The following TTN variants were observed in gnomAD, a reference collection of about 807,000 sequenced individuals.
TTN encodes connectin.
TTN carries 1,525 observed loss-of-function variants against 3,223.0 expected under a neutral mutation model. The ratio of observed to expected loss-of-function variants is 0.47; its 90% CI spans 0.45 to 0.49. TTN has a LOEUF of 0.49. Ranked by LOEUF, TTN falls within the 20% of genes least tolerant of loss-of-function variation. The probability of loss-of-function intolerance (pLI) is 0.00; values close to 1 mark genes in which losing one functional copy is unlikely to be tolerated. For missense variants in TTN, 40,786 were observed against 43,424.0 expected (o/e 0.94, Z 5.40); for synonymous variants, 14,094 against 15,161.0 (o/e 0.93, Z 5.17).
Position 178,551,039 on chromosome 2 carries a change from C to G in TTN, c.91492G>C (p.Ala30498Pro), listed in dbSNP as rs368724043. The part of the protein sequence containing the change: ...PGDRYEFRII[A>P]RNAVGTISPP... ...CTTATAGTTCCAACAGCATTTCTTG[C>G]AATTATTCTGAACTCATAGCGATCC... Residue 30498 changes from alanine to proline, a missense_variant, in exon 336 of 363, where the codon GCA becomes CCA. Physicochemically the swap from Ala to Pro is conservative, Grantham distance 27. Coordinates refer to ENST00000589042, the MANE Select transcript of TTN (RefSeq NM_001267550.2). 6.2e-7 allele frequency: 1 copy of G among 1,613,416 alleles called. No homozygotes were observed. The highest frequency in any genetic ancestry group is 2.2e-5 in the East Asian group (1 of 44,772).
chr2:178,640,090 T>C lies in TTN; in HGVS notation c.40744A>G (p.Ile13582Val), dbSNP rs747062145. ...TTCGGTTCAGGTGCAGGGAGAGGTA[T>C]TGCTGGCTTGATTTCAGGCACTGAA... ...PTKVPEIKPA[I>V]PLPAPEPKPK... is the part of the protein sequence containing the mutation. Residue 13582 changes from isoleucine to valine, a missense_variant, in exon 222 of 363, where the codon ATA becomes GTA. Physicochemically the swap from Ile to Val is conservative, Grantham distance 29. Coordinates refer to ENST00000589042, the MANE Select transcript of TTN (RefSeq NM_001267550.2). The C allele has an allele frequency of 1.2e-6, 2 of 1,612,102 alleles. No homozygotes were observed. The highest frequency in any genetic ancestry group is 3.3e-5 in the Admixed American group (2 of 59,870).
In TTN at chr2:178,718,968, G is replaced by A. The variant is rs750589456; in HGVS notation, c.24232C>T (p.Pro8078Ser). The part of the protein sequence containing the change: ...CSAVLTVQEP[P>S]SFEQTPDSVE... The stretch of plus-strand genomic sequence containing the variant: ...GAATCAGGGGTTTGTTCAAAAGATG[G>A]TGGTTCTAGATATTGCAAGGCGGAA... Residue 8078 changes from proline (P) to serine (S), a missense_variant, in exon 84 of 363, where the codon CCA (proline) becomes TCA (serine). Transcript: ENST00000589042. 1.2e-6 allele frequency: 2 copies of A among 1,602,620 alleles called. No individual in the cohort carries two copies. Among genetic ancestry groups the A allele is most frequent in the East Asian group, 2.2e-5 (1 of 44,510 alleles).
chr2:178,682,302 A>G lies in TTN; in HGVS notation c.33094+395T>C, dbSNP rs117627493. ...GGTAAATACATTTTCTCAATAGCCT[A>G]TCATACTCCGTAATAGCAAGTTTTA... On this transcript the variant is annotated intron_variant, in intron 135 of 362. Coordinates refer to ENST00000589042, the MANE Select transcript of TTN (RefSeq NM_001267550.2). 1.2e-3 allele frequency among the ~76,000 whole-genome samples: 177 copies of G among 152,136 alleles called. No individual in the cohort carries two copies. In the East Asian group the frequency reaches 0.012, roughly 10 times the overall value.
rs779954160 is a variant in TTN at position 178,747,774 on chromosome 2, C to T, written c.11311+5350G>A. ...GAAAAACTAGTTTCTATCATTTCTC[C>T]TTCTAAAGTGGAGAAAGAAGCTTCA... On this transcript the variant is annotated intron_variant, in intron 47 of 362. Transcript: ENST00000589042. The T allele has an allele frequency of 2.0e-5, 33 of 1,611,844 alleles. No individual in the cohort carries two copies. The highest frequency in any genetic ancestry group is 2.7e-5 in the Non-Finnish European group (32 of 1,179,440).
chr2:178,806,655 C>T (rs1458158047), intron 1 of TTN, among the ~76,000 whole-genome samples: 1 of 152,184 alleles, frequency 6.6e-6, no homozygotes, highest in Admixed American at 6.5e-5. Context: ...AGGCCTTTGT[C>T]TAACTGGGGC....
At chr2:178,744,901 G>C in intron 47 of TTN, 1 of 985,122 alleles carries the variant, frequency 1.0e-6, no homozygotes, top group Non-Finnish European at 1.2e-6. Context: ...GGTGAACCCT[G>C]CCCACAAAGA....
intron 22 of TTN, chr2:178,779,758 G>A (rs146091493): frequency 9.2e-5 from 50 of 543,622 alleles, no homozygotes; most frequent in Non-Finnish European, 1.5e-4. Flanking sequence ...TAATATTGGT[G>A]TTTTCCTTAA....
rs769064111 is a variant in TTN at position 178,545,803 on chromosome 2, A to G, written c.95416+17T>C. On this transcript the variant is annotated intron_variant, in intron 343 of 362. Transcript: ENST00000589042. ...TACATTTCAACTGTCAAATTATTTAAAAGTGTTAATACTTACTGAATGAGT... is the reference window on the plus strand; with the variant it reads ...TACATTTCAACTGTCAAATTATTTAGAAGTGTTAATACTTACTGAATGAGT... 1 of 1,606,972 alleles carries G rather than the reference A, an allele frequency of 6.2e-7. No homozygotes were observed. Among genetic ancestry groups the G allele is most frequent in the Non-Finnish European group, 8.5e-7 (1 of 1,174,578 alleles).
At position 178,527,733 on chromosome 2, in the gene TTN, G is replaced by T; in HGVS notation, c.107393C>A (p.Pro35798His). ...TGTTCTCAATACTACCTCTCTGGAA[G>T]GTTCTTCAACTAGAGCTGTGGAGCA... Reference protein sequence around the residue: ...SLMVLPLVEEPSREVVLRTSG... With the variant: ...SLMVLPLVEEHSREVVLRTSG... Residue 35798 changes from proline (P) to histidine (H), a missense_variant, in exon 362 of 363, where the codon CCT becomes CAT. Coordinates refer to ENST00000589042, the MANE Select transcript of TTN (RefSeq NM_001267550.2). 1.3e-6 allele frequency: 2 copies of T among 1,599,934 alleles called. No individual in the cohort carries two copies. Among genetic ancestry groups the T allele is most frequent in the East Asian group, 4.5e-5 (2 of 44,722 alleles).
chr2:178,690,094 G>T (rs1406003703), intron 121 of TTN, among the ~76,000 whole-genome samples, 198 bp from the exon 122 acceptor site: 1 of 152,110 alleles, frequency 6.6e-6, no homozygotes, highest in African/African-American at 2.4e-5. Flanking sequence ...TAATGTTTTA[G>T]AGGCATTTAG....
rs1386322398 is a variant in TTN, at chr2:178,554,072, C to G, written c.89039G>C (p.Trp29680Ser). The change falls in exon 333 of 363, where the codon TGG (tryptophan) becomes TCG (serine). Residue 29680 changes from tryptophan to serine, a missense_variant. Transcript: ENST00000589042. ...GATAGTCTCTTTTAGTACTTTAAACCATCCTAGGCTCTTCTTGTCTCGTTT... is the reference window on the plus strand; with the variant it reads ...GATAGTCTCTTTTAGTACTTTAAACGATCCTAGGCTCTTCTTGTCTCGTTT... The part of the protein sequence containing the change: ...LEKRDKKSLG[W>S]FKVLKETIRD... 6.2e-7 allele frequency: 1 copy of G among 1,613,830 alleles called. No homozygotes were observed. The highest frequency in any genetic ancestry group is 8.5e-7 in the Non-Finnish European group (1 of 1,179,818).
intron 43 of TTN, 30 bp from the exon 44 acceptor site, chr2:178,759,202 A>C (rs759068817): frequency 1.2e-6 from 2 of 1,611,836 alleles, no homozygotes; most frequent in Non-Finnish European, 8.5e-7. Flanking sequence ...AGATACTTCA[A>C]CCACAAAAAT....
At chr2:178,748,604 T>C (rs762016343) in intron 47 of TTN, 1 of 1,613,150 alleles carries the variant, frequency 6.2e-7, no homozygotes, top group Admixed American at 1.7e-5. Context: ...ATAAGCTTCT[T>C]CTGGTTGACC....
In TTN at chr2:178,733,839, T is replaced by C; in HGVS notation, c.15550A>G (p.Thr5184Ala). The C allele has an allele frequency of 6.2e-7, 1 of 1,613,398 alleles. No homozygotes were observed. Among genetic ancestry groups the C allele is most frequent in the Non-Finnish European group, 8.5e-7 (1 of 1,179,466 alleles). Residue 5184 changes from threonine (T) to alanine (A), a missense_variant, in exon 53 of 363, where the codon ACC (threonine) becomes GCC (alanine). Transcript: ENST00000589042. The stretch of plus-strand genomic sequence containing the variant: ...CTCACAGCAGCTTGCAGGGTAACGG[T>C]TTGTCCTCCTAGTGCAATCAAATCA... ...VDDLIALGGQ[T>A]VTLQAAVRGS...
In TTN at chr2:178,727,701, C is replaced by A. The variant is rs1362220931; in HGVS notation, c.19877G>T (p.Gly6626Val). ...SGPKCFIGLEGSTSFLNLYSV... is the reference protein window; with the variant it reads ...SGPKCFIGLEVSTSFLNLYSV... ...GTAGAGATTTAAGAAGCTAGTCGAC[C>A]CTTCCAAGCCAATGAAACATTTAGG... Residue 6626 changes from glycine (G) to valine (V), a missense_variant, in exon 68 of 363, where the codon GGG becomes GTG. By Grantham distance (109) the Gly-to-Val change is moderately radical. Transcript: ENST00000589042. The A allele has an allele frequency of 6.2e-7, 1 of 1,613,204 alleles. No homozygotes were observed. The highest frequency in any genetic ancestry group is 8.5e-7 in the Non-Finnish European group (1 of 1,179,414).
chr2:178,582,738 C>G, intron 313 of TTN, 146 bp from the exon 314 acceptor site: 1 of 966,008 alleles, frequency 1.0e-6, no homozygotes, highest in Non-Finnish European at 1.4e-6. Context: ...TTAGTTTCTT[C>G]ACTTGTAAAA....
chr2:178,630,833 G>T lies in TTN; in HGVS notation c.44125C>A (p.Leu14709Ile). The T allele has an allele frequency of 6.2e-7, 1 of 1,613,302 alleles. No individual in the cohort carries two copies. Among genetic ancestry groups the T allele is most frequent in the African/African-American group, 1.3e-5 (1 of 75,008 alleles). The change falls in exon 238 of 363, where the codon CTC becomes ATC. Residue 14709 changes from leucine to isoleucine, a missense_variant. By Grantham distance (5) the Leu-to-Ile change is conservative. Transcript: ENST00000589042. ...GTTTGGAGTAGGGCCTCTCCCTTGA[G>T]TTTCCAGTTGGCGTGGATATCATCT... ...SEDDIHANWK[L>I]KGEALLQTPD...
In TTN at chr2:178,532,539, T is replaced by C. The variant is rs749741308; in HGVS notation, c.104076A>G (p.Ser34692=). 15 of 1,613,958 alleles carry C rather than the reference T, an allele frequency of 9.3e-6. No individual in the cohort carries two copies. In the East Asian group the frequency reaches 3.3e-4, roughly 36 times the overall value. The change falls in exon 358 of 363, where the codon TCA becomes TCG. Residue 34692 remains serine, a synonymous_variant. Coordinates refer to ENST00000589042, the MANE Select transcript of TTN (RefSeq NM_001267550.2). ...RLEEELELGF[S]ASPPSRSPPH... ...GAGGGCTTCGACTTGGGGGTGAAGC[T>C]GAAAAACCTAACTCAAGCTCTTCTT...
At chr2:178,766,328 G>C (rs2090415273) in intron 41 of TTN, 53 bp downstream of exon 41, 2 of 1,370,134 alleles carry the variant, frequency 1.5e-6, no homozygotes, top group African/African-American at 1.4e-5. Context: ...ACTTAAACAG[G>C]AGGATTATTT....
Sources: gnomAD v4.1 joint callset for allele counts (sites outside exome capture counted in the v4.1 genomes callset) on GRCh38, gnomAD v4.1.1 for gene constraint, MANE v1.5 for transcripts, NCBI Gene and HGNC (gene_info 2026-07-23, HGNC 2026-07-21) for gene names.